PRKCH: variants seen among roughly 807,000 people sequenced by gnomAD.
PRKCH encodes protein kinase C eta type.
Under a neutral mutation model 82.5 loss-of-function variants are expected in PRKCH, and 28 were observed. That is an observed-to-expected ratio of 0.34 (90% CI 0.25 to 0.47). The LOEUF is 0.47. Among genes scored for constraint, PRKCH ranks in the 20% least tolerant of loss-of-function variants. PRKCH has a pLI of 1.00. For missense variants in PRKCH, 705 were observed against 881.8 expected, an observed-to-expected ratio of 0.80 and a Z score of 2.54; for synonymous variants, 322 against 327.4, an observed-to-expected ratio of 0.98 and a Z score of 0.18.
At chr14:61,341,051 A>G (rs2045925099) in intron 1 of PRKCH, among the ~76,000 whole-genome samples, 1 of 152,134 alleles carries the variant, frequency 6.6e-6, no homozygotes, top group African/African-American at 2.4e-5. Flanking sequence ...TATTCCCTCA[A>G]ATCCATCCTC....
rs575160053 is a variant in PRKCH at position 61,188,290 on chromosome 14, T to C, written c.-19+622T>C. ...GAGGGGAGGGGAGGCGGCCCAACTT[T>C]CTGTGCCTGTCAAGGCAGGGTTGGG... On this transcript the variant is annotated intron_variant, in intron 1 of 3. Coordinates refer to the PRKCH transcript ENST00000555185. Among the ~76,000 whole-genome samples, 345 of 152,222 alleles carry C rather than the reference T, an allele frequency of 2.3e-3. 2 individuals are homozygous for C. The highest frequency in any genetic ancestry group is 7.9e-3 in the African/African-American group (328 of 41,536).
Position 61,502,075 on chromosome 14 carries a change from TTTTTTTTC to T in PRKCH, c.1433+16420_1433+16427del, listed in dbSNP as rs1461855506. Among the ~76,000 whole-genome samples, 44 of 141,330 alleles carry T rather than the reference TTTTTTTTC, an allele frequency of 3.1e-4. 1 individual carries two copies. In the South Asian group the frequency reaches 0.01, roughly 32 times the overall value. The allele number at this position is 141,330 out of a possible 152,430, so 92.7% of individuals were successfully genotyped here. A position where few individuals can be genotyped will look rare whatever the true frequency, so the allele number is the denominator to read the frequency against. The stretch of plus-strand genomic sequence containing the variant: ...CTTTTCTTTTCTTTTCTTTTTTTTT[TTTTTTTTC>T]CGAGATGGAGTCTCACTCTCACTCA... On this transcript the variant is annotated intron_variant, in intron 10 of 13. Transcript: ENST00000332981.
intron 1 of PRKCH, among the ~76,000 whole-genome samples, chr14:61,269,535 G>A (rs2045133975): frequency 6.6e-6 from 1 of 151,938 alleles, no homozygotes; most frequent in African/African-American, 2.4e-5. Flanking sequence ...CCTCTCATGG[G>A]CCCCAGGGTG....
At chr14:61,287,637 G>A (rs913083437) in intron 1 of PRKCH, among the ~76,000 whole-genome samples, 1 of 152,050 alleles carries the variant, frequency 6.6e-6, no homozygotes, top group Non-Finnish European at 1.5e-5. Flanking sequence ...TTTAACCTGG[G>A]AGGTGGAGGT....
rs147447850 is a variant in PRKCH, at chr14:61,220,257, G to T, written c.-19+32589G>T. ...CCAAGGACATCTCCTCTGTCAGGGA[G>T]CACAGTCTTCCTAGCAGGTGTACAC... On this transcript the variant is annotated intron_variant, in intron 1 of 3. Coordinates refer to the PRKCH transcript ENST00000555185. Among the ~76,000 whole-genome samples the T allele has an allele frequency of 4.7e-4, 71 of 152,324 alleles. No individual in the cohort carries two copies. The East Asian group carries it at 0.012, about 26-fold the overall frequency.
intron 2 of PRKCH, among the ~76,000 whole-genome samples, chr14:61,412,824 C>G (rs1406377338): frequency 2.0e-5 from 3 of 152,134 alleles, no homozygotes; most frequent in Non-Finnish European, 4.4e-5. Flanking sequence ...CAAGATCTGC[C>G]ATCTTTATGT....
chr14:61,438,239 T>C (rs551549114), intron 2 of PRKCH, among the ~76,000 whole-genome samples: 97 of 152,298 alleles, frequency 6.4e-4, no homozygotes, highest in Non-Finnish European at 1.2e-3. Flanking sequence ...TGTCGTCATA[T>C]AGAAGGCTGT....
At chr14:61,403,474 G>T (rs1373885790) in intron 2 of PRKCH, among the ~76,000 whole-genome samples, 4 of 152,174 alleles carry the variant, frequency 2.6e-5, no homozygotes, top group Non-Finnish European at 5.9e-5. Flanking sequence ...TATTTCTGCT[G>T]TGCAGTGTAC....
chr14:61,501,207 A>C (rs1252643100), intron 10 of PRKCH, among the ~76,000 whole-genome samples: 1 of 152,158 alleles, frequency 6.6e-6, no homozygotes, highest in African/African-American at 2.4e-5. Context: ...CTCCATATAC[A>C]TTATCAGTTG....
intron 1 of PRKCH, chr14:61,279,147 C>T (rs751188257): frequency 2.0e-5 from 3 of 152,164 alleles, no homozygotes; most frequent in Non-Finnish European, 2.9e-5. Context: ...CTCACATTTT[C>T]GAGTTTCTAC....
At position 61,449,211 on chromosome 14, in the gene PRKCH, G is replaced by T. The variant is rs764023611; in HGVS notation, c.661G>T (p.Ala221Ser). 6.2e-7 allele frequency: 1 copy of T among 1,614,044 alleles called. No individual in the cohort carries two copies. The highest frequency in any genetic ancestry group is 2.2e-5 in the East Asian group (1 of 44,872). The stretch of plus-strand genomic sequence containing the variant: ...ACGCTGCCATCATCTAATTGTTACA[G>T]CCTGTACTTGCCAAAACAATATTAA... The part of the protein sequence containing the change: ...HKRCHHLIVT[A>S]CTCQNNINKV... The change falls in exon 5 of 14, where the codon GCC becomes TCC. Residue 221 changes from alanine (A) to serine (S), a missense_variant. Around this residue, in one of 5 missense-constraint regions of PRKCH, gnomAD observed 246 missense variants for 308.0 expected, o/e 0.80. Transcript: ENST00000332981.
At chr14:61,234,438 T>A (rs1397746432) in intron 1 of PRKCH, among the ~76,000 whole-genome samples, 2 of 152,004 alleles carry the variant, frequency 1.3e-5, no homozygotes, top group East Asian at 1.9e-4. Context: ...TAACCAGTCA[T>A]CCCCACCTCC....
Position 61,280,932 on chromosome 14 carries a change from G to T in PRKCH, c.-19+93264G>T. On this transcript the variant is annotated intron_variant, in intron 1 of 3. Transcript: ENST00000555185. The surrounding 1 kb of genome is among the most constrained non-coding windows in gnomAD (Gnocchi z 5.0). ...CGGCGCACACCGAGCAGTTACCGGT[G>T]CCCGGGTCGCCTGTATAGTCGTACT... 2.0e-6 allele frequency: 3 copies of T among 1,538,392 alleles called. No homozygotes were observed. Among genetic ancestry groups the T allele is most frequent in the Non-Finnish European group, 8.7e-7 (1 of 1,146,208 alleles).
chr14:61,539,402 A>G (rs1344718422), intron 12 of PRKCH, among the ~76,000 whole-genome samples: 1 of 152,212 alleles, frequency 6.6e-6, no homozygotes, highest in Non-Finnish European at 1.5e-5. Context: ...CTAGAGGAAC[A>G]GTATAGGGCA....
rs1008635416 is a variant in PRKCH, at chr14:61,472,614, C to T, written c.1279-12888C>T. Among the ~76,000 whole-genome samples the T allele has an allele frequency of 2.0e-5, 3 of 152,174 alleles. No individual in the cohort carries two copies. In the East Asian group the frequency reaches 5.8e-4, roughly 29 times the overall value. ...ACCTTACCAGAGGATTGCTTGAGCC[C>T]GGGAGGTTGAGGCTGCATTAGCGAA... On this transcript the variant is annotated intron_variant, in intron 9 of 13. Transcript: ENST00000332981.
intron 1 of PRKCH, among the ~76,000 whole-genome samples, chr14:61,243,778 C>T (rs2044859742): frequency 6.6e-6 from 1 of 152,030 alleles, no homozygotes; most frequent in Non-Finnish European, 1.5e-5. Flanking sequence ...CCTATATATG[C>T]ATGAAAGTGT....
chr14:61,522,809 A>G (rs559869729), intron 10 of PRKCH, among the ~76,000 whole-genome samples: 1 of 152,336 alleles, frequency 6.6e-6, no homozygotes, highest in East Asian at 1.9e-4. Flanking sequence ...ACATCCTGGC[A>G]TATGGCCAGG....
rs1555378083 is a variant in PRKCH at position 61,352,689 on chromosome 14, G to GGAAAGGAAAGAAAGAAA, written c.363+30230_363+30231insGAAAGAAAGAAAGAAAG. Among the ~76,000 whole-genome samples the GGAAAGGAAAGAAAGAAA allele has an allele frequency of 9.0e-4, 114 of 126,540 alleles. 1 individual carries two copies. Among genetic ancestry groups the GGAAAGGAAAGAAAGAAA allele is most frequent in the East Asian group, 2.3e-3 (10 of 4,412 alleles). 83.0% of individuals were successfully genotyped at this position (126,540 alleles called of 152,430 possible). A position where few individuals can be genotyped will look rare whatever the true frequency, so the allele number is the denominator to read the frequency against. On this transcript the variant is annotated intron_variant, in intron 1 of 13. Coordinates refer to ENST00000332981, the MANE Select transcript of PRKCH (RefSeq NM_006255.5). Reference sequence around the variant, plus strand: ...GAGAGAGAGAGAGAGAGAAAGGAAAGGAAAGAAAGAAAGAAAGAAAGAAAG... The same window carrying GGAAAGGAAAGAAAGAAA: ...GAGAGAGAGAGAGAGAGAAAGGAAAGGAAAGGAAAGAAAGAAAGAAAGAAAGAAAGAAAGAAAGAAAG...
intron 1 of PRKCH, among the ~76,000 whole-genome samples, chr14:61,332,770 G>T (rs1015637572): frequency 3.9e-5 from 6 of 152,108 alleles, no homozygotes; most frequent in African/African-American, 1.4e-4. Flanking sequence ...ATATTTATTC[G>T]TAAGTCACAT....
Sources: gnomAD v4.1 joint callset for allele counts (sites outside exome capture counted in the v4.1 genomes callset) on GRCh38, gnomAD v4.1.1 for gene constraint, gnomAD v4.1.1 regional missense constraint, Gnocchi (gnomAD v3.1) non-coding constraint, MANE v1.5 for transcripts, NCBI Gene and HGNC (gene_info 2026-07-23, HGNC 2026-07-21) for gene names.